TTL: variants seen among roughly 807,000 people sequenced by gnomAD.
TTL encodes tubulin--tyrosine ligase.
TTL carries 10 observed loss-of-function variants against 41.1 expected under a neutral mutation model. The observed-to-expected ratio is 0.24, with a 90% CI of 0.15 to 0.41. The LOEUF is 0.41. Ranked by LOEUF, TTL falls within the 10% of genes least tolerant of loss-of-function variation. The pLI, the probability that TTL is intolerant of heterozygous loss-of-function variation, is 1.00. For synonymous variants in TTL, 175 were observed against 175.5 expected (o/e 1.00, Z 0.02); for missense variants, 367 against 460.4 (o/e 0.80, Z 1.86).
intron 5 of TTL, among the ~76,000 whole-genome samples, chr2:112,512,952 A>AT (rs1464010584): frequency 1.6e-4 from 22 of 137,266 alleles, no homozygotes; most frequent in South Asian, 2.2e-4. Flanking sequence ...GTCTTCTTTT[A>AT]TTTTTTTTTA....
rs2104486532 is a variant in TTL, at chr2:112,536,124, C to G, written c.*7329C>G. Reference sequence around the variant, plus strand: ...TGAACAGTACTCCATTGTGTATAAGCAATATATTTTCTTTATCCATTCATC... The same window carrying G: ...TGAACAGTACTCCATTGTGTATAAGGAATATATTTTCTTTATCCATTCATC... On this transcript the variant is annotated 3_prime_UTR_variant, in exon 7 of 7. Transcript: ENST00000233336. 1 of 152,274 alleles carries G rather than the reference C, an allele frequency of 6.6e-6. No homozygotes were observed. Among genetic ancestry groups the G allele is most frequent in the South Asian group, 2.1e-4 (1 of 4,814 alleles). The allele number at this position is 152,274 out of a possible 1,614,324, so 9.4% of individuals were successfully genotyped here.
At chr2:112,499,094 C>T (rs775067102) in intron 3 of TTL, among the ~76,000 whole-genome samples, 1 of 152,156 alleles carries the variant, frequency 6.6e-6, no homozygotes, top group Non-Finnish European at 1.5e-5. Context: ...GGCTGAATCA[C>T]CTGAGGTCAG....
Position 112,540,153 on chromosome 2 carries a change from C to T in TTL, c.*11358C>T, listed in dbSNP as rs1255704754. On this transcript the variant is annotated 3_prime_UTR_variant, in exon 7 of 7. Coordinates refer to ENST00000233336, the MANE Select transcript of TTL (RefSeq NM_153712.5). ...AGCCTTCTTTGCAGAAATTGACAAG[C>T]TGGGCCGGGTGTGGTGGCTCACACC... 6.6e-6 allele frequency: 1 copy of T among 152,128 alleles called. No homozygotes were observed. Among genetic ancestry groups the T allele is most frequent in the Non-Finnish European group, 1.5e-5 (1 of 68,028 alleles). The allele number at this position is 152,128 out of a possible 1,614,324, so 9.4% of individuals were successfully genotyped here.
At chr2:112,515,392 G>C (rs185279580) in intron 5 of TTL, among the ~76,000 whole-genome samples, 184 of 152,150 alleles carry the variant, frequency 1.2e-3, no homozygotes, top group Non-Finnish European at 2.2e-3. Flanking sequence ...GTCAGCTCCT[G>C]ACTTTTAGGT....
chr2:112,503,403 G>GTGTA (rs376486813), intron 5 of TTL, among the ~76,000 whole-genome samples: 220 of 143,436 alleles, frequency 1.5e-3, no homozygotes, highest in East Asian at 4.0e-3. Context: ...GTGTGTGTGT[G>GTGTA]TATATATATA....
intron 2 of TTL, among the ~76,000 whole-genome samples, chr2:112,491,272 T>TG (rs1379329964): frequency 2.0e-5 from 3 of 152,258 alleles, no homozygotes; most frequent in Non-Finnish European, 4.4e-5. Context: ...ATTATAGGCG[T>TG]GAGCCACCAC....
At position 112,517,347 on chromosome 2, in the gene TTL, G is replaced by A. The variant is rs556685495; in HGVS notation, c.876-2935G>A. ...ATTTCAACCTCTGCCTCCCGGGTTT[G>A]AGCGATTCTCCTGCCTTAGCCTCCC... On this transcript the variant is annotated intron_variant, in intron 5 of 6. Coordinates refer to ENST00000233336, the MANE Select transcript of TTL (RefSeq NM_153712.5). 8.6e-5 allele frequency among the ~76,000 whole-genome samples: 13 copies of A among 151,900 alleles called. 1 individual carries two copies. Among genetic ancestry groups the A allele is most frequent in the African/African-American group, 3.1e-4 (13 of 41,452 alleles).
At chr2:112,498,359 C>T (rs34325725) in intron 3 of TTL, among the ~76,000 whole-genome samples, 1,565 of 152,186 alleles carry the variant, frequency 0.01, 18 homozygotes, top group Non-Finnish European at 0.017. Context: ...TACTTACAGT[C>T]ACCCTAGAGA....
At chr2:112,518,394 T>A (rs1348717559) in intron 5 of TTL, among the ~76,000 whole-genome samples, 1 of 151,840 alleles carries the variant, frequency 6.6e-6, no homozygotes, top group Non-Finnish European at 1.5e-5. Flanking sequence ...GGAGAAGAAA[T>A]TTTTATTATA....
rs1681132477 is a variant in TTL at position 112,482,890 on chromosome 2, T to A, written c.157+389T>A. Among the ~76,000 whole-genome samples, 2 of 151,970 alleles carry A rather than the reference T, an allele frequency of 1.3e-5. No homozygotes were observed. Among genetic ancestry groups the A allele is most frequent in the Admixed American group, 1.3e-4 (2 of 15,272 alleles). On this transcript the variant is annotated intron_variant, in intron 1 of 6. Coordinates refer to ENST00000233336, the MANE Select transcript of TTL (RefSeq NM_153712.5). This position sits in a 1 kb window ranked among gnomAD's most constrained non-coding sequence, Gnocchi z 5.3. ...GGCTCCGCAGAGCGGGCGGCTGGAG[T>A]CATCTTTTGCAGCTCGTCTGCACTG...
In TTL at chr2:112,486,278, A is replaced by G. The variant is rs1229623949; in HGVS notation, c.236+283A>G. 2.6e-5 allele frequency among the ~76,000 whole-genome samples: 4 copies of G among 152,272 alleles called. No individual in the cohort carries two copies. The South Asian group carries it at 6.2e-4, about 24-fold the overall frequency. On this transcript the variant is annotated intron_variant, in intron 2 of 6. Coordinates refer to ENST00000233336, the MANE Select transcript of TTL (RefSeq NM_153712.5). ...AAGAGACAGCCATCGGGAAGCAAGG[A>G]CAGGGCAGGGCAGGGGGAGAACCAA...
chr2:112,489,328 G>A (rs1681321459), intron 2 of TTL, among the ~76,000 whole-genome samples: 2 of 152,182 alleles, frequency 1.3e-5, no homozygotes, highest in Non-Finnish European at 2.9e-5. Context: ...GGTTGAAGAA[G>A]TAGATTTATG....
In TTL at chr2:112,482,573, C is replaced by G. The variant is rs577010389; in HGVS notation, c.157+72C>G. On this transcript the variant is annotated intron_variant, in intron 1 of 6. Coordinates refer to ENST00000233336, the MANE Select transcript of TTL (RefSeq NM_153712.5). The surrounding 1 kb of genome is among the most constrained non-coding windows in gnomAD (Gnocchi z 5.3). ...CGCGCCTCCCGCGGCCCGTTAGAAC[C>G]GGCGCTTTTGTTTTTAAAGGTCATA... 177 of 1,465,792 alleles carry G rather than the reference C, an allele frequency of 1.2e-4. No homozygotes were observed. The highest frequency in any genetic ancestry group is 4.2e-4 in the Admixed American group (17 of 40,022). 90.8% of individuals were successfully genotyped at this position (1,465,792 alleles called of 1,614,324 possible). A position where few individuals can be genotyped will look rare whatever the true frequency, so the allele number is the denominator to read the frequency against.
chr2:112,493,307 A>G (rs1193489492), intron 2 of TTL, among the ~76,000 whole-genome samples: 1 of 151,666 alleles, frequency 6.6e-6, no homozygotes, highest in Non-Finnish European at 1.5e-5. Flanking sequence ...GGGGAGTAAG[A>G]GCAGGTTTCC....
intron 2 of TTL, among the ~76,000 whole-genome samples, chr2:112,491,951 T>C (rs909392317): frequency 2.0e-5 from 3 of 152,192 alleles, no homozygotes; most frequent in Non-Finnish European, 2.9e-5. Context: ...ATGCCTTCGT[T>C]TTAAATTTAA....
intron 5 of TTL, among the ~76,000 whole-genome samples, chr2:112,515,168 A>T (rs1188753172): frequency 6.6e-6 from 1 of 152,188 alleles, no homozygotes; most frequent in African/African-American, 2.4e-5. Context: ...TCCTTATCTG[A>T]TAACTCCAAA....
intron 3 of TTL, among the ~76,000 whole-genome samples, chr2:112,500,912 A>G (rs1175018814): frequency 1.4e-5 from 2 of 146,958 alleles, no homozygotes; most frequent in Non-Finnish European, 3.0e-5. Flanking sequence ...ATAGAATGGT[A>G]TTTATTTTGA....
rs552926691 is a variant in TTL at position 112,497,072 on chromosome 2, A to G, written c.469+2697A>G. Among the ~76,000 whole-genome samples, 35 of 151,794 alleles carry G rather than the reference A, an allele frequency of 2.3e-4. 1 individual carries two copies. The South Asian group carries it at 7.3e-3, about 32-fold the overall frequency. ...CCTGACCTCGTGATCCGCCCGCCTC[A>G]GCCTCCCAAAGTGCTGGGATTACAG... On this transcript the variant is annotated intron_variant, in intron 3 of 6. Transcript: ENST00000233336.
rs2104487530 is a variant in TTL at position 112,537,610 on chromosome 2, AT to A, written c.*8816del. 6.6e-6 allele frequency: 1 copy of A among 152,300 alleles called. No homozygotes were observed. The highest frequency in any genetic ancestry group is 2.4e-5 in the African/African-American group (1 of 41,564). 9.4% of individuals were successfully genotyped at this position (152,300 alleles called of 1,614,324 possible). The stretch of plus-strand genomic sequence containing the variant: ...TTAGTGATGATGAACATTGTCTCAT[AT>A]GTTTCTTGGCCACTTGTATGCCAAG... On this transcript the variant is annotated 3_prime_UTR_variant, in exon 7 of 7. Coordinates refer to ENST00000233336, the MANE Select transcript of TTL (RefSeq NM_153712.5).
Sources: allele counts gnomAD v4.1 joint callset (sites outside exome capture counted in the v4.1 genomes callset), GRCh38; gene constraint gnomAD v4.1.1; non-coding constraint Gnocchi (gnomAD v3.1); transcripts MANE v1.5; gene names NCBI Gene and HGNC (gene_info 2026-07-23, HGNC 2026-07-21).